The following CTTNBP2 variants were observed in gnomAD, a reference collection of about 807,000 sequenced individuals.
CTTNBP2 encodes cortactin-binding protein 2.
A neutral mutation model predicts 156.9 loss-of-function variants in CTTNBP2; 108 were observed. The ratio of observed to expected loss-of-function variants is 0.69; its 90% CI spans 0.59 to 0.81. CTTNBP2 has a LOEUF of 0.81. Among genes scored for constraint, CTTNBP2 ranks in the 30% least tolerant of loss-of-function variants. CTTNBP2 has a pLI of 0.00. For synonymous variants in CTTNBP2, 767 were observed against 751.8 expected (o/e 1.02, Z -0.33); for missense variants, 1,924 against 2,035.4 (o/e 0.95, Z 1.05).
chr7:117,867,547 C>A (rs571381675), intron 1 of CTTNBP2, among the ~76,000 whole-genome samples: 1 of 151,960 alleles, frequency 6.6e-6, no homozygotes, highest in Non-Finnish European at 1.5e-5. Context: ...CCTGCCCCCA[C>A]CCCACCATAT....
In CTTNBP2 at chr7:117,841,159, C is replaced by A. The variant is rs376753715; in HGVS notation, c.189+20050G>T. 9.9e-5 allele frequency among the ~76,000 whole-genome samples: 15 copies of A among 152,222 alleles called. No individual in the cohort carries two copies. The East Asian group carries it at 2.9e-3, about 29-fold the overall frequency. ...AGAATAGCATTGTTTTGTAGTTCTG[C>A]AAACTTCTTTACTATCTGGCCTCAC... On this transcript the variant is annotated intron_variant, in intron 2 of 22. Coordinates refer to ENST00000160373, the MANE Select transcript of CTTNBP2 (RefSeq NM_033427.3).
intron 12 of CTTNBP2, among the ~76,000 whole-genome samples, 195 bp downstream of exon 12, chr7:117,756,360 A>C (rs1015565800): frequency 2.0e-5 from 3 of 151,868 alleles, no homozygotes; most frequent in Non-Finnish European, 4.4e-5. Flanking sequence ...GGCAATAGAT[A>C]CCTGGATGAC....
At chr7:117,849,455 A>G (rs1202992106) in intron 2 of CTTNBP2, among the ~76,000 whole-genome samples, 14 of 152,288 alleles carry the variant, frequency 9.2e-5, no homozygotes, top group Middle Eastern at 3.4e-3. Context: ...GGAGAACAAA[A>G]GCCTCAGATC....
At chr7:117,831,495 C>T (rs13224934) in intron 2 of CTTNBP2, among the ~76,000 whole-genome samples, 85,176 of 151,800 alleles carry the variant, frequency 0.56, 24,069 homozygotes, top group East Asian at 0.71. Flanking sequence ...AGGGTAGGCT[C>T]CTTCTTGCCA....
chr7:117,826,516 A>G (rs1159436441), intron 2 of CTTNBP2, among the ~76,000 whole-genome samples: 1 of 152,142 alleles, frequency 6.6e-6, no homozygotes, highest in African/African-American at 2.4e-5. Context: ...GTAAATTTAG[A>G]TATGAATGTA....
chr7:117,789,740 A>AT (rs1412386903), intron 4 of CTTNBP2, among the ~76,000 whole-genome samples: 1 of 146,358 alleles, frequency 6.8e-6, no homozygotes, highest in South Asian at 2.1e-4. Context: ...TTCTAAGCTC[A>AT]ATACCAAGCT....
At chr7:117,715,077 A>C (rs1226836625) in intron 22 of CTTNBP2, among the ~76,000 whole-genome samples, 1 of 152,222 alleles carries the variant, frequency 6.6e-6, no homozygotes, top group Non-Finnish European at 1.5e-5. Context: ...TTCATTCAAT[A>C]CACAGCATCT....
At chr7:117,730,839 A>G (rs777206153) in intron 16 of CTTNBP2, among the ~76,000 whole-genome samples, 1 of 151,178 alleles carries the variant, frequency 6.6e-6, no homozygotes, top group Non-Finnish European at 1.5e-5. Context: ...GACAGGGGGT[A>G]TATTTTTATC....
chr7:117,715,473 G>GT (rs1161596463), intron 22 of CTTNBP2, among the ~76,000 whole-genome samples: 3 of 46,914 alleles, frequency 6.4e-5, no homozygotes, highest in African/African-American at 7.9e-4. Flanking sequence ...AGGCCCTGAA[G>GT]TTAAAAAAAA....
chr7:117,732,768 T>C (rs1795474616), intron 16 of CTTNBP2, among the ~76,000 whole-genome samples: 1 of 151,768 alleles, frequency 6.6e-6, no homozygotes, highest in Non-Finnish European at 1.5e-5. Flanking sequence ...CAGGGGACAA[T>C]TGTGAACACT....
chr7:117,730,864 G>T (rs1163694986), intron 16 of CTTNBP2, among the ~76,000 whole-genome samples: 1 of 140,254 alleles, frequency 7.1e-6, no homozygotes, highest in African/African-American at 2.7e-5. Flanking sequence ...TTAATATTCA[G>T]AATTAAATAT....
At chr7:117,735,150 G>A in intron 15 of CTTNBP2, 50 bp from the exon 16 acceptor site, 1 of 1,590,980 alleles carries the variant, frequency 6.3e-7, no homozygotes, top group South Asian at 1.1e-5. Context: ...TTATGTTATG[G>A]GACAGATTCA....
intron 2 of CTTNBP2, among the ~76,000 whole-genome samples, chr7:117,815,168 T>A (rs540809667): frequency 6.6e-6 from 1 of 152,206 alleles, no homozygotes; most frequent in African/African-American, 2.4e-5. Context: ...CAAGGGTTTC[T>A]AGAAATACGT....
In CTTNBP2 at chr7:117,734,928, C is replaced by CA; in HGVS notation, c.3860_3861insT (p.Arg1287SerfsTer6). 2 of 1,593,656 alleles carry CA rather than the reference C, an allele frequency of 1.3e-6. No homozygotes were observed. Among genetic ancestry groups the CA allele is most frequent in the Non-Finnish European group, 1.7e-6 (2 of 1,166,154 alleles). ...TGTTTGTTACCTTATTCACAACTTT[C>CA]CTTCGTAAGAACCTCTGCAGCAGTC... On this transcript the variant is annotated frameshift_variant, in exon 16 of 23. Coordinates refer to ENST00000160373, the MANE Select transcript of CTTNBP2 (RefSeq NM_033427.3). LOFTEE classifies it high-confidence loss of function.
At position 117,711,639 on chromosome 7, in the gene CTTNBP2, GCTT is replaced by G. The variant is rs761899945; in HGVS notation, c.4887_4889del (p.Arg1629del). On this transcript the variant is annotated inframe_deletion, in exon 23 of 23. Coordinates refer to ENST00000160373, the MANE Select transcript of CTTNBP2 (RefSeq NM_033427.3). ...TTTGCCTTGTATTACTGCTGCTGCT[GCTT>G]CTTTTGGTGTTCTGGGAACACTGGG... 6.2e-6 allele frequency: 10 copies of G among 1,613,888 alleles called. No homozygotes were observed. Among genetic ancestry groups the G allele is most frequent in the African/African-American group, 1.3e-5 (1 of 74,918 alleles).
intron 1 of CTTNBP2, among the ~76,000 whole-genome samples, chr7:117,870,691 T>C (rs1804533220): frequency 6.6e-6 from 1 of 152,230 alleles, no homozygotes; most frequent in African/African-American, 2.4e-5. Flanking sequence ...CCATACTGCC[T>C]TATCCATTAG....
At chr7:117,763,820 C>G (rs1036048370) in intron 9 of CTTNBP2, among the ~76,000 whole-genome samples, 12 of 152,040 alleles carry the variant, frequency 7.9e-5, no homozygotes, top group African/African-American at 2.7e-4. Context: ...ATCCTCCTGC[C>G]TCAGCCTCCT....
chr7:117,863,291 G>A (rs907110541), intron 1 of CTTNBP2, among the ~76,000 whole-genome samples: 1 of 152,116 alleles, frequency 6.6e-6, no homozygotes, highest in South Asian at 2.1e-4. Flanking sequence ...AAAGAGAAAA[G>A]GAAAATCTAT....
intron 3 of CTTNBP2, among the ~76,000 whole-genome samples, chr7:117,804,152 G>A (rs1388037455): frequency 2.0e-5 from 3 of 151,898 alleles, no homozygotes; most frequent in Non-Finnish European, 2.9e-5. Flanking sequence ...TAGTAGAGAC[G>A]GAGTTTCACC....
Sources: gnomAD v4.1 joint callset for allele counts (sites outside exome capture counted in the v4.1 genomes callset) on GRCh38, gnomAD v4.1.1 for gene constraint, MANE v1.5 for transcripts, NCBI Gene and HGNC (gene_info 2026-07-23, HGNC 2026-07-21) for gene names.